OSBPL9: variants seen among roughly 807,000 people sequenced by gnomAD.
OSBPL9 encodes the protein oxysterol-binding protein-related protein 9.
A neutral mutation model predicts 106.6 loss-of-function variants in OSBPL9; 40 were observed. That is an observed-to-expected ratio of 0.38 (90% CI 0.29 to 0.49). OSBPL9 has a LOEUF of 0.49. OSBPL9 is among the 20% of genes least tolerant of loss of function. The pLI, the probability that OSBPL9 is intolerant of heterozygous loss-of-function variation, is 0.97. For missense variants in OSBPL9, 609 were observed against 887.2 expected (o/e 0.69, Z 3.98); for synonymous variants, 269 against 295.4 (o/e 0.91, Z 0.92).
chr1:51,691,639 C>A (rs1259973303), intron 3 of OSBPL9, among the ~76,000 whole-genome samples: 1 of 151,962 alleles, frequency 6.6e-6, no homozygotes, highest in Non-Finnish European at 1.5e-5. Flanking sequence ...TTTTTAACTT[C>A]ATGTCTCTTT....
Position 51,775,376 on chromosome 1 carries a change from T to C in OSBPL9, c.1171-1457T>C, listed in dbSNP as rs567982050. On this transcript the variant is annotated intron_variant, in intron 14 of 23. Transcript: ENST00000428468. The stretch of plus-strand genomic sequence containing the variant: ...CTCCCGTCTCCATGTCTTGTTCTTT[T>C]ATCACAGCCTTACTCTTCTTTAAGG... 9.9e-5 allele frequency among the ~76,000 whole-genome samples: 15 copies of C among 152,192 alleles called. No homozygotes were observed. The South Asian group carries it at 3.1e-3, about 32-fold the overall frequency.
chr1:51,648,467 G>A (rs1384988825), intron 1 of OSBPL9, among the ~76,000 whole-genome samples: 2 of 152,104 alleles, frequency 1.3e-5, no homozygotes, highest in Non-Finnish European at 2.9e-5. Flanking sequence ...AACTTCCTGG[G>A]AGATGACTCT....
At chr1:51,781,056 G>T (rs1254685495) in intron 15 of OSBPL9, 108 bp from the exon 16 acceptor site, 8 of 908,014 alleles carry the variant, frequency 8.8e-6, no homozygotes, top group Middle Eastern at 3.3e-4. Context: ...CTGGTCCTAG[G>T]TCCTCAGTCC....
In OSBPL9 at chr1:51,665,333, G is replaced by A. The variant is rs180696067; in HGVS notation, c.163-4101G>A. ...CTAATTTTGTATTTTTAGTAGAGAC[G>A]GGGTTTCTCCATGTTGGTCAGACTG... On this transcript the variant is annotated intron_variant, in intron 2 of 23. Transcript: ENST00000428468. Among the ~76,000 whole-genome samples the A allele has an allele frequency of 2.3e-3, 354 of 152,076 alleles. 3 individuals carry two copies. The highest frequency in any genetic ancestry group is 8.3e-3 in the African/African-American group (346 of 41,492).
chr1:51,606,322 G>GT (rs1288703427), intron 2 of OSBPL9, among the ~76,000 whole-genome samples: 1 of 152,232 alleles, frequency 6.6e-6, no homozygotes, highest in Non-Finnish European at 1.5e-5. Flanking sequence ...CAGGAACTAT[G>GT]TAAGACTGAT....
chr1:51,625,540 T>C (rs942481340), intron 1 of OSBPL9, among the ~76,000 whole-genome samples: 5 of 151,366 alleles, frequency 3.3e-5, no homozygotes, highest in Non-Finnish European at 7.4e-5. Context: ...TTTTTTTTTT[T>C]AATGGGGTAC....
chr1:51,784,233 T>G, intron 18 of OSBPL9, 31 bp from the exon 19 acceptor site: 1 of 1,603,566 alleles, frequency 6.2e-7, no homozygotes, highest in Non-Finnish European at 8.5e-7. Context: ...TTGGCACTAC[T>G]CATCAGAGAT....
intron 10 of OSBPL9, among the ~76,000 whole-genome samples, chr1:51,761,342 C>T (rs916541161): frequency 2.6e-5 from 4 of 151,430 alleles, no homozygotes; most frequent in African/African-American, 4.9e-5. Context: ...GCTACACTGA[C>T]TGATTCCTTT....
At chr1:51,782,849 G>A (rs776207734) in intron 17 of OSBPL9, among the ~76,000 whole-genome samples, 3 of 152,106 alleles carry the variant, frequency 2.0e-5, no homozygotes, top group Non-Finnish European at 4.4e-5. Flanking sequence ...AATTAAGTGC[G>A]TATAAAAAGA....
chr1:51,654,341 T>C (rs935015183), intron 2 of OSBPL9, among the ~76,000 whole-genome samples: 1 of 152,224 alleles, frequency 6.6e-6, no homozygotes, highest in African/African-American at 2.4e-5. Flanking sequence ...TTTGTTTTAA[T>C]TTTTATCAGA....
chr1:51,755,954 G>A (rs992114561), intron 8 of OSBPL9, among the ~76,000 whole-genome samples: 6 of 152,148 alleles, frequency 3.9e-5, no homozygotes, highest in South Asian at 2.1e-4. Flanking sequence ...CTTACAATAT[G>A]TGGTCTTTTG....
chr1:51,732,683 C>G (rs1664728716), intron 4 of OSBPL9, among the ~76,000 whole-genome samples: 1 of 152,158 alleles, frequency 6.6e-6, no homozygotes, highest in African/African-American at 2.4e-5. Flanking sequence ...GGTCTCTCAC[C>G]TAGACTTTTG....
At chr1:51,756,264 C>G in intron 8 of OSBPL9, 56 bp from the exon 9 acceptor site, 2 of 1,434,178 alleles carry the variant, frequency 1.4e-6, no homozygotes. Flanking sequence ...GAGAAATACA[C>G]AAGGAGTTAC....
At position 51,639,541 on chromosome 1, in the gene OSBPL9, T is replaced by C. The variant is rs1272813185; in HGVS notation, c.112-12450T>C. 2.0e-5 allele frequency among the ~76,000 whole-genome samples: 3 copies of C among 152,158 alleles called. No individual in the cohort carries two copies. The East Asian group carries it at 5.8e-4, about 29-fold the overall frequency. On this transcript the variant is annotated intron_variant, in intron 1 of 23. Transcript: ENST00000428468. ...TGAGTTGGGGTGGTGGGGACAAGGATGAGTCAGAAACTACCTTTGGGAGAA... is the reference window on the plus strand; with the variant it reads ...TGAGTTGGGGTGGTGGGGACAAGGACGAGTCAGAAACTACCTTTGGGAGAA...
rs778186382 is a variant in OSBPL9, at chr1:51,752,520, G to A, written c.543+2325G>A. On this transcript the variant is annotated intron_variant, in intron 8 of 23. Transcript: ENST00000428468. ...TACCCTAGAGTACAATCTTGGTGAG[G>A]AATTTGCTCGTCTTACCACTTGTAT... The A allele has an allele frequency of 3.5e-5, 16 of 456,094 alleles. 1 individual carries two copies. The highest frequency in any genetic ancestry group is 2.5e-4 in the South Asian group (16 of 64,564). 28.3% of individuals were successfully genotyped at this position (456,094 alleles called of 1,614,324 possible). A position where few individuals can be genotyped will look rare whatever the true frequency, so the allele number is the denominator to read the frequency against.
chr1:51,667,330 G>T (rs970232170), intron 2 of OSBPL9, among the ~76,000 whole-genome samples: 4 of 152,072 alleles, frequency 2.6e-5, no homozygotes, highest in African/African-American at 9.7e-5. Flanking sequence ...TCATCACCTT[G>T]TAAAGAAATC....
intron 3 of OSBPL9, among the ~76,000 whole-genome samples, chr1:51,683,523 T>C (rs1437694885): frequency 6.6e-6 from 1 of 151,632 alleles, no homozygotes; most frequent in African/African-American, 2.4e-5. Context: ...CTGGGCTTGG[T>C]GGCTCATGCC....
At position 51,778,182 on chromosome 1, in the gene OSBPL9, G is replaced by C. The variant is rs1238589661; in HGVS notation, c.1256+1264G>C. On this transcript the variant is annotated intron_variant, in intron 15 of 23. Coordinates refer to ENST00000428468, the MANE Select transcript of OSBPL9 (RefSeq NM_024586.6). ...AAAAAAATAAAAGTACAGTTCAAAA[G>C]CCAGTAGATAAGATTAAACGGAATC... 2.0e-5 allele frequency among the ~76,000 whole-genome samples: 3 copies of C among 152,014 alleles called. No individual in the cohort carries two copies. In the East Asian group the frequency reaches 5.8e-4, roughly 29 times the overall value.
intron 1 of OSBPL9, among the ~76,000 whole-genome samples, chr1:51,632,959 C>A (rs930147111): frequency 7.9e-5 from 12 of 151,932 alleles, no homozygotes; most frequent in African/African-American, 2.7e-4. Flanking sequence ...TTTTAAATTG[C>A]CTTTTAAAAA....
Sources: allele counts gnomAD v4.1 joint callset (sites outside exome capture counted in the v4.1 genomes callset), GRCh38; gene constraint gnomAD v4.1.1; transcripts MANE v1.5; gene names NCBI Gene and HGNC (gene_info 2026-07-23, HGNC 2026-07-21).